Variants in TSPAN5 observed in about 807,000 individuals in gnomAD.
TSPAN5 encodes the protein tetraspanin-5.
Under a neutral mutation model 37.1 loss-of-function variants are expected in TSPAN5, and 10 were observed. The observed-to-expected ratio is 0.27, with a 90% CI of 0.17 to 0.46. The LOEUF (loss-of-function observed/expected upper bound fraction) is 0.46, where lower values mean the gene tolerates loss of function less well. TSPAN5 is among the 20% of genes least tolerant of loss of function. The probability of loss-of-function intolerance (pLI) is 1.00; values close to 1 mark genes in which losing one functional copy is unlikely to be tolerated. For missense variants in TSPAN5, 195 were observed against 326.6 expected (o/e 0.60, Z 3.11); for synonymous variants, 110 against 118.9 (o/e 0.93, Z 0.48).
chr4:98,606,313 T>G (rs1206372280), intron 1 of TSPAN5, among the ~76,000 whole-genome samples: 2 of 152,212 alleles, frequency 1.3e-5, no homozygotes, highest in African/African-American at 2.4e-5. Context: ...AGGTTTGCCC[T>G]TGGATCTGTA....
chr4:98,567,218 A>G (rs1573478), intron 1 of TSPAN5, among the ~76,000 whole-genome samples: 114,937 of 152,150 alleles, frequency 0.76, 43,894 homozygotes, highest in African/African-American at 0.86. Context: ...CTGCCCTCAA[A>G]GGGTTTATTG....
intron 1 of TSPAN5, among the ~76,000 whole-genome samples, chr4:98,525,876 T>C (rs1244491977): frequency 6.6e-6 from 1 of 152,234 alleles, no homozygotes; most frequent in Non-Finnish European, 1.5e-5. Flanking sequence ...ATAGATGATC[T>C]TAAGTGAGGA....
intron 1 of TSPAN5, among the ~76,000 whole-genome samples, chr4:98,592,908 G>A (rs1349213396): frequency 6.9e-6 from 1 of 145,334 alleles, no homozygotes; most frequent in Non-Finnish European, 1.5e-5. Flanking sequence ...ACGTGTGCAT[G>A]TGTCTTTATA....
intron 1 of TSPAN5, among the ~76,000 whole-genome samples, chr4:98,615,616 T>C (rs756218192): frequency 6.6e-6 from 1 of 151,892 alleles, no homozygotes; most frequent in African/African-American, 2.4e-5. Context: ...AGGTCAGGAG[T>C]TCAAGACCAG....
chr4:98,561,060 C>T (rs1374166163), intron 1 of TSPAN5, among the ~76,000 whole-genome samples: 1 of 152,244 alleles, frequency 6.6e-6, no homozygotes, highest in Non-Finnish European at 1.5e-5. Context: ...CATGTCTCAG[C>T]TGCCCTTGCA....
intron 1 of TSPAN5, among the ~76,000 whole-genome samples, chr4:98,576,988 T>C (rs1268697727): frequency 1.3e-5 from 2 of 152,214 alleles, no homozygotes; most frequent in African/African-American, 4.8e-5. Flanking sequence ...CTTGAACTCC[T>C]GACCTCAGGT....
chr4:98,601,448 G>A (rs1755878980), intron 1 of TSPAN5, among the ~76,000 whole-genome samples: 1 of 152,208 alleles, frequency 6.6e-6, no homozygotes, highest in African/African-American at 2.4e-5. Context: ...ATGAGCACGT[G>A]CTGCTTCACC....
At chr4:98,581,641 C>T (rs1158312337) in intron 1 of TSPAN5, among the ~76,000 whole-genome samples, 1 of 152,096 alleles carries the variant, frequency 6.6e-6, no homozygotes, top group Non-Finnish European at 1.5e-5. Context: ...GTATTAACAA[C>T]CTAATATTCT....
At chr4:98,491,697 A>G (rs1753090605) in intron 2 of TSPAN5, among the ~76,000 whole-genome samples, 1 of 151,952 alleles carries the variant, frequency 6.6e-6, no homozygotes, top group African/African-American at 2.4e-5. Context: ...AAAAAAAAAA[A>G]AAAGGTGGGG....
intron 1 of TSPAN5, among the ~76,000 whole-genome samples, chr4:98,551,062 C>T (rs989932392): frequency 1.3e-5 from 2 of 151,958 alleles, no homozygotes; most frequent in South Asian, 2.1e-4. Flanking sequence ...TTCTGTGTCT[C>T]GTATGTTGAA....
At chr4:98,638,329 G>A (rs6837798) in intron 1 of TSPAN5, among the ~76,000 whole-genome samples, 70,465 of 152,006 alleles carry the variant, frequency 0.46, 16,560 homozygotes, top group South Asian at 0.54. Flanking sequence ...ACTGGCCAGA[G>A]GCACAGATAT....
At chr4:98,544,191 A>C (rs1754420333) in intron 1 of TSPAN5, among the ~76,000 whole-genome samples, 1 of 152,168 alleles carries the variant, frequency 6.6e-6, no homozygotes, top group Non-Finnish European at 1.5e-5. Flanking sequence ...GAATGAATGA[A>C]TGAATGAATG....
rs576585247 is a variant in TSPAN5 at position 98,587,350 on chromosome 4, T to C, written c.81+70796A>G. On this transcript the variant is annotated intron_variant, in intron 1 of 7. Coordinates refer to ENST00000305798, the MANE Select transcript of TSPAN5 (RefSeq NM_005723.4). ...ACACCATGATTTCTAGAGTTCTTAG[T>C]TGCAGACAAAGCCCCACTGTGTTTT... Among the ~76,000 whole-genome samples the C allele has an allele frequency of 5.3e-5, 8 of 152,314 alleles. No individual in the cohort carries two copies. The South Asian group carries it at 1.7e-3, about 32-fold the overall frequency.
intron 1 of TSPAN5, among the ~76,000 whole-genome samples, chr4:98,628,448 C>T (rs1401534560): frequency 6.6e-6 from 1 of 152,168 alleles, no homozygotes; most frequent in Non-Finnish European, 1.5e-5. Context: ...ATGTGGGGTA[C>T]ACCACACTGC....
intron 1 of TSPAN5, among the ~76,000 whole-genome samples, chr4:98,634,182 C>T (rs975228229): frequency 6.6e-6 from 1 of 152,180 alleles, no homozygotes; most frequent in Non-Finnish European, 1.5e-5. Context: ...AAAGCACTGA[C>T]CTTTTTCAGT....
intron 1 of TSPAN5, chr4:98,657,582 T>C (rs1757318189): frequency 6.3e-6 from 1 of 158,852 alleles, no homozygotes; most frequent in African/African-American, 2.4e-5. Flanking sequence ...GCAGGAAACG[T>C]TATTTACGTG....
At chr4:98,655,545 T>G (rs1167793656) in intron 1 of TSPAN5, among the ~76,000 whole-genome samples, 2 of 152,224 alleles carry the variant, frequency 1.3e-5, no homozygotes, top group Non-Finnish European at 2.9e-5. Context: ...GAACTATACC[T>G]TTGAATGTCA....
chr4:98,560,903 T>C (rs1754867874), intron 1 of TSPAN5, among the ~76,000 whole-genome samples: 1 of 152,194 alleles, frequency 6.6e-6, no homozygotes, highest in Admixed American at 6.5e-5. Flanking sequence ...ATATTCTAGA[T>C]AAAAGTGTTC....
intron 4 of TSPAN5, among the ~76,000 whole-genome samples, chr4:98,479,882 T>A (rs539196738): frequency 2.7e-4 from 41 of 152,362 alleles, no homozygotes; most frequent in Admixed American, 9.8e-4. Context: ...ACTGTACTTT[T>A]GCATACAGAT....
Sources: allele counts gnomAD v4.1 joint callset (sites outside exome capture counted in the v4.1 genomes callset), GRCh38; gene constraint gnomAD v4.1.1; transcripts MANE v1.5; gene names NCBI Gene and HGNC (gene_info 2026-07-23, HGNC 2026-07-21).